Variants in INPP4B observed in about 807,000 individuals in gnomAD.
The protein encoded by INPP4B is inositol polyphosphate 4-phosphatase type II.
In INPP4B, 55 loss-of-function variants were observed where a neutral mutation model predicts 122.5. The ratio of observed to expected loss-of-function variants is 0.45; its 90% confidence interval spans 0.36 to 0.56. INPP4B has a LOEUF of 0.56. Ranked by LOEUF, INPP4B falls within the 20% of genes least tolerant of loss-of-function variation. The probability of loss-of-function intolerance (pLI) is 0.00; values close to 1 mark genes in which losing one functional copy is unlikely to be tolerated. For synonymous variants in INPP4B, 403 were observed against 388.7 expected (o/e 1.04, Z -0.43); for missense variants, 1,000 against 1,097.7 (o/e 0.91, Z 1.26).
chr4:142,532,668 T>A (rs534512412), intron 2 of INPP4B, among the ~76,000 whole-genome samples: 1 of 152,138 alleles, frequency 6.6e-6, no homozygotes, highest in East Asian at 1.9e-4. Flanking sequence ...CAAATATATA[T>A]GTAAATTATT....
chr4:142,506,575 T>C (rs1050461167), intron 2 of INPP4B, among the ~76,000 whole-genome samples: 2 of 152,124 alleles, frequency 1.3e-5, no homozygotes, highest in African/African-American at 4.8e-5. Flanking sequence ...GGAGACATTG[T>C]CTCATTACTT....
intron 3 of INPP4B, 22 bp downstream of exon 3, chr4:142,462,641 G>A (rs750286116): frequency 5.9e-5 from 9 of 152,124 alleles, no homozygotes; most frequent in South Asian, 2.1e-4. Flanking sequence ...TTGATGTTAC[G>A]TGTTGAGAAT....
intron 2 of INPP4B, among the ~76,000 whole-genome samples, chr4:142,639,550 T>C (rs985091314): frequency 1.3e-5 from 2 of 152,194 alleles, no homozygotes; most frequent in African/African-American, 4.8e-5. Flanking sequence ...TATATCCAAA[T>C]ATTTTTATAA....
At chr4:142,686,848 A>G (rs895062789) in intron 2 of INPP4B, among the ~76,000 whole-genome samples, 6 of 152,090 alleles carry the variant, frequency 3.9e-5, no homozygotes, top group African/African-American at 1.4e-4. Context: ...TCCACTCTAG[A>G]GATTAGAAAG....
intron 2 of INPP4B, among the ~76,000 whole-genome samples, chr4:142,471,760 C>G (rs1387649813): frequency 7.3e-6 from 1 of 136,206 alleles, no homozygotes; most frequent in African/African-American, 2.6e-5. Context: ...AGCTCCTGAG[C>G]ACCCGCAATC....
At position 142,047,799 on chromosome 4, in the gene INPP4B, A is replaced by ATCTC. The variant is rs139032971; in HGVS notation, c.2643-18889_2643-18886dup. ...AAGATAGCACAGATATGAAACAAAAATCTCTCTATTTCCCAGCAATCCCCA... is the reference window on the plus strand; with the variant it reads ...AAGATAGCACAGATATGAAACAAAAATCTCTCTCTCTATTTCCCAGCAATCCCCA... On this transcript the variant is annotated intron_variant, in intron 25 of 25. Transcript: ENST00000262992. Among the ~76,000 whole-genome samples, 909 of 152,094 alleles carry ATCTC rather than the reference A, an allele frequency of 6.0e-3. 15 individuals are homozygous for ATCTC. The highest frequency in any genetic ancestry group is 0.021 in the African/African-American group (868 of 41,512).
At chr4:142,168,521 T>A (rs987400223) in intron 16 of INPP4B, among the ~76,000 whole-genome samples, 17 of 151,624 alleles carry the variant, frequency 1.1e-4, no homozygotes, top group Admixed American at 1.1e-3. Flanking sequence ...TAGGGTAGAC[T>A]AAGAGCAGCC....
chr4:142,448,265 T>C (rs560331165), intron 3 of INPP4B, among the ~76,000 whole-genome samples: 1 of 150,982 alleles, frequency 6.6e-6, no homozygotes, highest in African/African-American at 2.4e-5. Flanking sequence ...ATGGCCCTTG[T>C]TTTGGTTTCC....
At chr4:142,227,538 C>T (rs1309975475) in intron 12 of INPP4B, among the ~76,000 whole-genome samples, 1 of 151,866 alleles carries the variant, frequency 6.6e-6, no homozygotes, top group African/African-American at 2.4e-5. Flanking sequence ...ATATAGAATG[C>T]AATATATTTT....
chr4:142,111,358 T>C (rs1789937809), intron 22 of INPP4B, among the ~76,000 whole-genome samples: 1 of 152,136 alleles, frequency 6.6e-6, no homozygotes, highest in Non-Finnish European at 1.5e-5. Flanking sequence ...TTTTTGTTTG[T>C]TTTTTGAGAC....
intron 1 of INPP4B, among the ~76,000 whole-genome samples, chr4:142,746,512 GA>G (rs1427513207): frequency 1.3e-5 from 2 of 152,038 alleles, no homozygotes; most frequent in Admixed American, 1.3e-4. Context: ...CACAGAATGA[GA>G]AAAAAATACT....
At chr4:142,284,343 T>C (rs936269933) in intron 9 of INPP4B, among the ~76,000 whole-genome samples, 1 of 152,152 alleles carries the variant, frequency 6.6e-6, no homozygotes, top group Admixed American at 6.6e-5. Flanking sequence ...TGGAATAATG[T>C]TCTCAAATAA....
chr4:142,624,704 T>G (rs919924622), intron 2 of INPP4B, among the ~76,000 whole-genome samples: 2 of 152,124 alleles, frequency 1.3e-5, no homozygotes, highest in Non-Finnish European at 2.9e-5. Flanking sequence ...ACCAATATCC[T>G]TGATGAACAT....
Position 142,572,859 on chromosome 4 carries a change from T to A in INPP4B, c.-190-110133A>T, listed in dbSNP as rs938093214. 7.9e-5 allele frequency among the ~76,000 whole-genome samples: 12 copies of A among 151,306 alleles called. 1 individual carries two copies. The East Asian group carries it at 1.4e-3, about 17-fold the overall frequency. ...TAAATAGGTACTCAATAGATGTGAA[T>A]ACATATACATATATATGCTTTTATA... On this transcript the variant is annotated intron_variant, in intron 2 of 25. Transcript: ENST00000262992.
chr4:142,023,634 T>G lies in INPP4B; in HGVS notation c.*5148A>C, dbSNP rs1422560266. ...GAGTCAATGTTACCTGTGAGTGCAATAGGTCATCATTGATCGCGTCCTTTC... is the reference window on the plus strand; with the variant it reads ...GAGTCAATGTTACCTGTGAGTGCAAGAGGTCATCATTGATCGCGTCCTTTC... On this transcript the variant is annotated 3_prime_UTR_variant, in exon 26 of 26. Transcript: ENST00000262992. 6.6e-6 allele frequency: 1 copy of G among 152,200 alleles called. No homozygotes were observed. Among genetic ancestry groups the G allele is most frequent in the African/African-American group, 2.4e-5 (1 of 41,440 alleles). 9.4% of individuals were successfully genotyped at this position (152,200 alleles called of 1,614,324 possible).
At chr4:142,064,518 G>T (rs528509014) in intron 25 of INPP4B, among the ~76,000 whole-genome samples, 2 of 152,054 alleles carry the variant, frequency 1.3e-5, no homozygotes, top group African/African-American at 4.8e-5. Context: ...TTATATGAAA[G>T]ATTTTTTTTA....
At chr4:142,796,926 T>C (rs1777338575) in intron 1 of INPP4B, among the ~76,000 whole-genome samples, 1 of 139,266 alleles carries the variant, frequency 7.2e-6, no homozygotes, top group African/African-American at 3.0e-5. Flanking sequence ...CTGTGTGTAA[T>C]AGCAGAGAAC....
intron 7 of INPP4B, among the ~76,000 whole-genome samples, chr4:142,359,066 C>A (rs757694672): frequency 1.3e-5 from 2 of 151,898 alleles, no homozygotes; most frequent in Non-Finnish European, 2.9e-5. Context: ...GGAAATGATC[C>A]CAGCCTGTGG....
At chr4:142,037,863 A>G (rs1174936562) in intron 25 of INPP4B, among the ~76,000 whole-genome samples, 1 of 152,192 alleles carries the variant, frequency 6.6e-6, no homozygotes, top group East Asian at 1.9e-4. Flanking sequence ...AAATCACAGG[A>G]TCATAGATTC....
Sources: allele counts gnomAD v4.1 joint callset (sites outside exome capture counted in the v4.1 genomes callset), GRCh38; gene constraint gnomAD v4.1.1; transcripts MANE v1.5; gene names NCBI Gene and HGNC (gene_info 2026-07-23, HGNC 2026-07-21).